Variants in LRRTM4 observed in about 807,000 individuals in gnomAD.
LRRTM4 encodes leucine rich repeat transmembrane neuronal 4.
LRRTM4 carries 25 observed loss-of-function variants against 47.6 expected under a neutral mutation model. That is an observed-to-expected ratio of 0.53 (90% confidence interval 0.38 to 0.73). The LOEUF (loss-of-function observed/expected upper bound fraction) is 0.73. Ranked by LOEUF, LRRTM4 falls within the 30% of genes least tolerant of loss-of-function variation. LRRTM4 has a pLI of 0.00. For synonymous variants in LRRTM4, 311 were observed against 269.5 expected (o/e 1.15, Z -1.51); for missense variants, 638 against 713.4 (o/e 0.89, Z 1.20).
chr2:77,138,771 TA>T (rs1270703124), intron 3 of LRRTM4, among the ~76,000 whole-genome samples: 3 of 151,684 alleles, frequency 2.0e-5, no homozygotes, highest in African/African-American at 7.3e-5. Context: ...ATAGACGCAA[TA>T]AAAAATGATA....
At chr2:77,053,273 A>G (rs1001254575) in intron 3 of LRRTM4, among the ~76,000 whole-genome samples, 7 of 152,190 alleles carry the variant, frequency 4.6e-5, no homozygotes, top group Admixed American at 6.5e-5. Context: ...TTAAATCCAA[A>G]TAAGATATTC....
chr2:77,012,182 C>T (rs1677899155), intron 3 of LRRTM4, among the ~76,000 whole-genome samples: 2 of 151,914 alleles, frequency 1.3e-5, no homozygotes, highest in Admixed American at 6.6e-5. Context: ...TATAAATGCA[C>T]CATAGGCAAG....
intron 3 of LRRTM4, among the ~76,000 whole-genome samples, chr2:77,072,005 A>T (rs1680170530): frequency 6.6e-6 from 1 of 152,172 alleles, no homozygotes; most frequent in Admixed American, 6.5e-5. Context: ...GGATCATTGA[A>T]TTATGCAACT....
At chr2:76,833,018 G>C (rs1671399095) in intron 3 of LRRTM4, among the ~76,000 whole-genome samples, 1 of 152,084 alleles carries the variant, frequency 6.6e-6, no homozygotes, top group Non-Finnish European at 1.5e-5. Context: ...AGTAGAACAT[G>C]CTACTTTGGT....
At chr2:77,314,750 AC>A (rs1677568552) in intron 3 of LRRTM4, among the ~76,000 whole-genome samples, 1 of 152,176 alleles carries the variant, frequency 6.6e-6, no homozygotes, top group Non-Finnish European at 1.5e-5. Context: ...TGATTTTTCT[AC>A]TTTATGATAG....
chr2:77,104,484 G>A (rs1409858278), intron 3 of LRRTM4, among the ~76,000 whole-genome samples: 1 of 152,070 alleles, frequency 6.6e-6, no homozygotes, highest in Non-Finnish European at 1.5e-5. Flanking sequence ...ATTTTTGTAG[G>A]TATTCCTTTA....
At chr2:77,342,794 C>T (rs1280266496) in intron 3 of LRRTM4, among the ~76,000 whole-genome samples, 1 of 151,836 alleles carries the variant, frequency 6.6e-6, no homozygotes, top group African/African-American at 2.4e-5. Context: ...GCAGAGTTGT[C>T]TACTGCAAAA....
intron 3 of LRRTM4, among the ~76,000 whole-genome samples, chr2:77,398,896 G>A (rs1673820967): frequency 6.6e-6 from 1 of 151,802 alleles, no homozygotes. Context: ...ATCCCACAGG[G>A]GAAAGAGGTG....
At chr2:77,293,742 G>T (rs559745033) in intron 3 of LRRTM4, among the ~76,000 whole-genome samples, 23 of 152,228 alleles carry the variant, frequency 1.5e-4, no homozygotes, top group African/African-American at 5.5e-4. Flanking sequence ...AAGGTCATGT[G>T]ACTAACTTAA....
intron 3 of LRRTM4, among the ~76,000 whole-genome samples, chr2:76,936,594 A>G (rs560430583): frequency 6.6e-6 from 1 of 151,376 alleles, no homozygotes; most frequent in South Asian, 2.1e-4. Flanking sequence ...ATAAAAAAAA[A>G]AAAAAAAGAA....
chr2:77,042,732 T>G (rs1679079411), intron 3 of LRRTM4, among the ~76,000 whole-genome samples: 1 of 151,768 alleles, frequency 6.6e-6, no homozygotes, highest in Non-Finnish European at 1.5e-5. Flanking sequence ...TTTCTAAACC[T>G]ATATTCATCA....
At chr2:77,142,479 A>C (rs1176713042) in intron 3 of LRRTM4, among the ~76,000 whole-genome samples, 1 of 151,942 alleles carries the variant, frequency 6.6e-6, no homozygotes, top group African/African-American at 2.4e-5. Flanking sequence ...GGGTCACTAA[A>C]GAAAAACTTG....
At chr2:76,906,871 G>T (rs527417886) in intron 3 of LRRTM4, among the ~76,000 whole-genome samples, 1 of 151,372 alleles carries the variant, frequency 6.6e-6, no homozygotes, top group East Asian at 2.0e-4. Flanking sequence ...CCTACAAAGA[G>T]ACTTAGACTC....
chr2:77,014,450 T>C (rs1437223665), intron 3 of LRRTM4, among the ~76,000 whole-genome samples: 1 of 151,266 alleles, frequency 6.6e-6, no homozygotes, highest in African/African-American at 2.4e-5. Flanking sequence ...CCATGGTTTA[T>C]ATGATTGACT....
chr2:76,846,248 G>T (rs1671833901), intron 3 of LRRTM4, among the ~76,000 whole-genome samples: 1 of 152,000 alleles, frequency 6.6e-6, no homozygotes, highest in Non-Finnish European at 1.5e-5. Flanking sequence ...AACATTTAAG[G>T]CTGGACTCAC....
At chr2:77,298,305 C>T (rs1677028959) in intron 3 of LRRTM4, among the ~76,000 whole-genome samples, 1 of 152,184 alleles carries the variant, frequency 6.6e-6, no homozygotes. Flanking sequence ...GGCACGATCT[C>T]GGCTCACTGC....
intron 3 of LRRTM4, among the ~76,000 whole-genome samples, chr2:77,270,633 T>C (rs2104068351): frequency 6.6e-6 from 1 of 152,338 alleles, no homozygotes; most frequent in Non-Finnish European, 1.5e-5. Context: ...ACATTTCTGA[T>C]ACTATCCTCA....
At chr2:77,348,497 C>A (rs902934972) in intron 3 of LRRTM4, among the ~76,000 whole-genome samples, 28 of 149,804 alleles carry the variant, frequency 1.9e-4, no homozygotes, top group Non-Finnish European at 3.9e-4. Flanking sequence ...TATATATACA[C>A]ACATACAATG....
chr2:77,306,885 C>A, intron 3 of LRRTM4, among the ~76,000 whole-genome samples: 1 of 145,784 alleles, frequency 6.9e-6, no homozygotes, highest in South Asian at 2.2e-4. Flanking sequence ...TAGCTATATA[C>A]TGCTTTTCCA....
Sources: allele counts gnomAD v4.1 joint callset (sites outside exome capture counted in the v4.1 genomes callset), GRCh38; gene constraint gnomAD v4.1.1; transcripts MANE v1.5; gene names NCBI Gene and HGNC (gene_info 2026-07-23, HGNC 2026-07-21).